ESRRG: variants seen among roughly 807,000 people sequenced by gnomAD.
The protein encoded by ESRRG is estrogen-related receptor gamma.
ESRRG carries 13 observed loss-of-function variants against 44.0 expected under a neutral mutation model. The ratio of observed to expected loss-of-function variants is 0.30; its 90% confidence interval spans 0.19 to 0.47. ESRRG has a LOEUF of 0.47. Ranked by LOEUF, ESRRG falls within the 20% of genes least tolerant of loss-of-function variation. ESRRG has a pLI of 1.00. For synonymous variants in ESRRG, 215 were observed against 214.6 expected (o/e 1.00, Z -0.02); for missense variants, 395 against 580.6 (o/e 0.68, Z 3.29).
chr1:216,774,760 T>G (rs147131907), intron 2 of ESRRG, among the ~76,000 whole-genome samples: 1 of 149,772 alleles, frequency 6.7e-6, no homozygotes, highest in Non-Finnish European at 1.5e-5. Context: ...AAACAATTAA[T>G]TAAGGTAATA....
At chr1:216,730,917 A>G (rs1371210842) in intron 2 of ESRRG, among the ~76,000 whole-genome samples, 1 of 152,206 alleles carries the variant, frequency 6.6e-6, no homozygotes, top group Non-Finnish European at 1.5e-5. Flanking sequence ...AGCAATGTAC[A>G]ATGATTGCTT....
intron 2 of ESRRG, among the ~76,000 whole-genome samples, chr1:216,884,474 A>G (rs1453665045): frequency 6.6e-6 from 1 of 152,188 alleles, no homozygotes; most frequent in East Asian, 1.9e-4. Context: ...CTATGTGTGC[A>G]GTGGCTGCCC....
intron 2 of ESRRG, among the ~76,000 whole-genome samples, chr1:216,674,360 T>C (rs1032267030): frequency 1.3e-4 from 20 of 152,174 alleles, no homozygotes; most frequent in African/African-American, 4.6e-4. Context: ...CTTCAATTTA[T>C]AGATGAGGAT....
At chr1:216,780,490 T>C (rs2093891924) in intron 2 of ESRRG, among the ~76,000 whole-genome samples, 1 of 152,064 alleles carries the variant, frequency 6.6e-6, no homozygotes, top group Non-Finnish European at 1.5e-5. Context: ...TAGAAATTGC[T>C]GAAATGTACT....
intron 2 of ESRRG, among the ~76,000 whole-genome samples, chr1:216,838,663 A>T (rs2095605382): frequency 6.6e-6 from 1 of 152,214 alleles, no homozygotes; most frequent in African/African-American, 2.4e-5. Flanking sequence ...GGCATACCTC[A>T]GAGAAAATGT....
chr1:216,604,187 A>G (rs1257240284), intron 3 of ESRRG, among the ~76,000 whole-genome samples: 1 of 152,208 alleles, frequency 6.6e-6, no homozygotes, highest in East Asian at 1.9e-4. Flanking sequence ...GGAGAATTAC[A>G]GGAGCAAAAA....
chr1:216,801,399 T>C (rs1452638017), intron 2 of ESRRG, among the ~76,000 whole-genome samples: 3 of 152,142 alleles, frequency 2.0e-5, no homozygotes, highest in East Asian at 1.9e-4. Context: ...TGTGACCTAC[T>C]ACTACCTACC....
chr1:217,051,535 G>C (rs1389367187), intron 1 of ESRRG, among the ~76,000 whole-genome samples: 2 of 152,162 alleles, frequency 1.3e-5, no homozygotes, highest in South Asian at 2.1e-4. Context: ...GGGCAATGAT[G>C]ATGAGTCAAT....
At chr1:216,669,394 T>C (rs977196484) in intron 2 of ESRRG, among the ~76,000 whole-genome samples, 6 of 152,210 alleles carry the variant, frequency 3.9e-5, no homozygotes, top group African/African-American at 1.4e-4. Context: ...CCCATTCATA[T>C]AGTACTTCTT....
intron 1 of ESRRG, among the ~76,000 whole-genome samples, chr1:216,987,661 C>A (rs576373911): frequency 1.1e-4 from 17 of 152,298 alleles, no homozygotes; most frequent in African/African-American, 3.9e-4. Flanking sequence ...CCAGGACAGG[C>A]ACTCCCTGGG....
At chr1:216,807,375 C>G (rs1473093359) in intron 2 of ESRRG, among the ~76,000 whole-genome samples, 1 of 152,100 alleles carries the variant, frequency 6.6e-6, no homozygotes, top group African/African-American at 2.4e-5. Flanking sequence ...GAAAGTTGAT[C>G]AAGAGTCTGA....
intron 2 of ESRRG, among the ~76,000 whole-genome samples, chr1:216,737,028 G>A (rs1411591129): frequency 6.6e-6 from 1 of 152,156 alleles, no homozygotes. Context: ...AACACATTGA[G>A]TCTTAAAAAT....
intron 2 of ESRRG, among the ~76,000 whole-genome samples, chr1:216,753,738 C>G (rs949464033): frequency 6.6e-6 from 1 of 152,012 alleles, no homozygotes; most frequent in Admixed American, 6.6e-5. Flanking sequence ...AATTTCTTAG[C>G]TGAAAAGCCA....
intron 2 of ESRRG, among the ~76,000 whole-genome samples, chr1:216,886,338 G>T (rs1198579877): frequency 6.6e-6 from 1 of 152,128 alleles, no homozygotes; most frequent in Non-Finnish European, 1.5e-5. Flanking sequence ...GATCTATTTG[G>T]CTGGATAACA....
chr1:216,824,211 C>T (rs1265408220), intron 2 of ESRRG, among the ~76,000 whole-genome samples: 1 of 152,250 alleles, frequency 6.6e-6, no homozygotes, highest in African/African-American at 2.4e-5. Context: ...CTTTGAGAGG[C>T]CGAGGCAGGC....
intron 1 of ESRRG, among the ~76,000 whole-genome samples, chr1:217,058,817 CG>C (rs1359385818): frequency 6.6e-6 from 1 of 150,520 alleles, no homozygotes; most frequent in African/African-American, 2.4e-5. Flanking sequence ...AAATAAAACT[CG>C]GTAAATTTGA....
intron 3 of ESRRG, among the ~76,000 whole-genome samples, chr1:216,615,536 C>A (rs1421820857): frequency 2.0e-5 from 3 of 152,168 alleles, no homozygotes; most frequent in African/African-American, 7.2e-5. Context: ...CAGTTCTTGG[C>A]ATTTCAGAGT....
intron 2 of ESRRG, among the ~76,000 whole-genome samples, chr1:216,902,240 G>A (rs987862070): frequency 1.3e-5 from 2 of 152,178 alleles, no homozygotes; most frequent in African/African-American, 4.8e-5. Context: ...TGTAATCCCA[G>A]CACTTTGGGA....
At chr1:216,770,851 TC>T (rs1338641419) in intron 2 of ESRRG, among the ~76,000 whole-genome samples, 1 of 152,064 alleles carries the variant, frequency 6.6e-6, no homozygotes, top group Non-Finnish European at 1.5e-5. Context: ...TATCTTTCCA[TC>T]TATCCAACCA....
Sources: allele counts gnomAD v4.1 joint callset (sites outside exome capture counted in the v4.1 genomes callset), GRCh38; gene constraint gnomAD v4.1.1; transcripts MANE v1.5; gene names NCBI Gene and HGNC (gene_info 2026-07-23, HGNC 2026-07-21).